The following RASGEF1A variants were observed in gnomAD, a reference collection of about 807,000 sequenced individuals.
RASGEF1A encodes RasGEF domain family member 1A, also known as ras-GEF domain-containing family member 1A.
Under a neutral mutation model 56.4 loss-of-function variants are expected in RASGEF1A, and 18 were observed. The ratio of observed to expected loss-of-function variants is 0.32; its 90% CI spans 0.22 to 0.47. RASGEF1A has a LOEUF of 0.47. RASGEF1A is among the 20% of genes least tolerant of loss of function. The pLI is 1.00. For missense variants in RASGEF1A, 422 were observed against 627.1 expected (o/e 0.67, Z 3.49); for synonymous variants, 245 against 242.6 (o/e 1.01, Z -0.09).
chr10:43,220,976 T>G (rs76285332), intron 1 of RASGEF1A, among the ~76,000 whole-genome samples: 8 of 151,980 alleles, frequency 5.3e-5, no homozygotes, highest in Non-Finnish European at 1.2e-4. Context: ...CCAGGGACAC[T>G]CCTGCGGAGG....
At chr10:43,207,053 C>T in intron 1 of RASGEF1A, 1 of 985,522 alleles carries the variant, frequency 1.0e-6, no homozygotes, top group Non-Finnish European at 1.2e-6. Context: ...GCCTGTTTCC[C>T]CAGTGCCCCA....
chr10:43,214,234 C>T (rs565026903), intron 1 of RASGEF1A, among the ~76,000 whole-genome samples: 4 of 152,290 alleles, frequency 2.6e-5, no homozygotes, highest in South Asian at 2.1e-4. Context: ...GCCTGCTGTG[C>T]GTGTCGTCTT....
intron 1 of RASGEF1A, among the ~76,000 whole-genome samples, chr10:43,218,043 C>G (rs928610297): frequency 1.3e-5 from 2 of 152,186 alleles, no homozygotes; most frequent in South Asian, 4.1e-4. Flanking sequence ...AGCTGGGAGC[C>G]GGCACCCTCC....
At chr10:43,238,756 C>T (rs370180368) in intron 1 of RASGEF1A, among the ~76,000 whole-genome samples, 1 of 152,206 alleles carries the variant, frequency 6.6e-6, no homozygotes, top group South Asian at 2.1e-4. Flanking sequence ...GGCAGCAATG[C>T]ATCTCAGGGA....
intron 1 of RASGEF1A, among the ~76,000 whole-genome samples, chr10:43,235,321 A>G (rs1840416209): frequency 6.6e-6 from 1 of 152,142 alleles, no homozygotes; most frequent in Non-Finnish European, 1.5e-5. Context: ...CACATCTTTG[A>G]GAAGCTCATC....
In RASGEF1A at chr10:43,196,291, G is replaced by A; in HGVS notation, c.1422-23C>T. 6.2e-7 allele frequency: 1 copy of A among 1,613,296 alleles called. No homozygotes were observed. ...GTCCTAGAGGGGGACAGGACAAGCA[G>A]TGCTCAGGCCCGAGCAGGGCGGCTT... On this transcript the variant is annotated intron_variant, in intron 12 of 12. Transcript: ENST00000395810. This position sits in a 1 kb window ranked among gnomAD's most constrained non-coding sequence, Gnocchi z 4.6.
intron 9 of RASGEF1A, 84 bp from the exon 10 acceptor site, chr10:43,198,279 G>A (rs2435373): frequency 0.26 from 317,398 of 1,237,198 alleles, 42,367 homozygotes; most frequent in Non-Finnish European, 0.27. Flanking sequence ...AGAGCAGGAG[G>A]CAGCAGACAG....
intron 1 of RASGEF1A, among the ~76,000 whole-genome samples, chr10:43,215,915 A>G (rs966092703): frequency 6.6e-6 from 1 of 152,186 alleles, no homozygotes; most frequent in Admixed American, 6.5e-5. Flanking sequence ...TGTGGAGGTG[A>G]GGCCTCAGCC....
chr10:43,212,819 C>A (rs1840086586), intron 1 of RASGEF1A, among the ~76,000 whole-genome samples: 1 of 152,196 alleles, frequency 6.6e-6, no homozygotes, highest in South Asian at 2.1e-4. Context: ...GGGACACAGC[C>A]TAAAACTTTA....
intron 5 of RASGEF1A, 78 bp from the exon 6 acceptor site, chr10:43,200,334 G>A: frequency 1.6e-6 from 2 of 1,289,604 alleles, no homozygotes; most frequent in Admixed American, 2.0e-5. Flanking sequence ...ATGCGGACAG[G>A]GAGAGGAGGA....
chr10:43,196,399 C>T lies in RASGEF1A; in HGVS notation c.1421+77G>A. ...ACGCGGCAGTGCCCAGGCTCCCTTT[C>T]CAGGAGGGTAACCCTCGTGCCCACC... On this transcript the variant is annotated intron_variant, in intron 12 of 12. Coordinates refer to ENST00000395810, the MANE Select transcript of RASGEF1A (RefSeq NM_145313.4). This position sits in a 1 kb window ranked among gnomAD's most constrained non-coding sequence, Gnocchi z 4.6. 1.3e-6 allele frequency: 2 copies of T among 1,559,854 alleles called. No individual in the cohort carries two copies. Among genetic ancestry groups the T allele is most frequent in the Non-Finnish European group, 1.8e-6 (2 of 1,131,462 alleles).
chr10:43,216,421 T>C (rs1023353098), intron 1 of RASGEF1A, among the ~76,000 whole-genome samples: 5 of 152,218 alleles, frequency 3.3e-5, no homozygotes, highest in Non-Finnish European at 7.3e-5. Flanking sequence ...GGTCCTCACC[T>C]TACCCTGCGG....
intron 9 of RASGEF1A, among the ~76,000 whole-genome samples, chr10:43,198,732 C>A (rs148414785): frequency 6.6e-6 from 1 of 152,222 alleles, no homozygotes; most frequent in Non-Finnish European, 1.5e-5. Context: ...TAGGTGATGC[C>A]GGGTCTGCCT....
At chr10:43,245,985 T>G (rs373477480) in intron 1 of RASGEF1A, among the ~76,000 whole-genome samples, 44 of 152,244 alleles carry the variant, frequency 2.9e-4, no homozygotes, top group African/African-American at 1.0e-3. Flanking sequence ...TATTTGCAGA[T>G]GATCTCATAT....
chr10:43,261,694 G>T (rs1836531436), intron 1 of RASGEF1A, among the ~76,000 whole-genome samples: 1 of 152,130 alleles, frequency 6.6e-6, no homozygotes, highest in African/African-American at 2.4e-5. Flanking sequence ...CAGAGGCTTG[G>T]GTCCTAGCAA....
chr10:43,210,210 G>A (rs1411334785), intron 1 of RASGEF1A, among the ~76,000 whole-genome samples: 2 of 152,236 alleles, frequency 1.3e-5, no homozygotes, highest in African/African-American at 4.8e-5. Flanking sequence ...GGAGGCTCAT[G>A]CCTGTAATCC....
chr10:43,202,013 C>G, intron 3 of RASGEF1A, 68 bp from the exon 4 acceptor site: 2 of 1,460,496 alleles, frequency 1.4e-6, no homozygotes, highest in South Asian at 2.8e-5. Flanking sequence ...GCAAATGGTG[C>G]AAGCTTCCCA....
intron 9 of RASGEF1A, among the ~76,000 whole-genome samples, chr10:43,198,576 C>T (rs1160270943): frequency 1.3e-5 from 2 of 152,260 alleles, no homozygotes; most frequent in Non-Finnish European, 2.9e-5. Flanking sequence ...CTGAGGAAGG[C>T]TGCAGGTGAC....
chr10:43,232,216 T>A (rs540695725), intron 1 of RASGEF1A, among the ~76,000 whole-genome samples: 1 of 152,360 alleles, frequency 6.6e-6, no homozygotes, highest in South Asian at 2.1e-4. Flanking sequence ...GGAGTTCTCA[T>A]GAATGGGTTA....
Sources: gnomAD v4.1 joint callset for allele counts (sites outside exome capture counted in the v4.1 genomes callset) on GRCh38, gnomAD v4.1.1 for gene constraint, Gnocchi (gnomAD v3.1) non-coding constraint, MANE v1.5 for transcripts, NCBI Gene and HGNC (gene_info 2026-07-23, HGNC 2026-07-21) for gene names.